The following DGKB variants were observed in gnomAD, a reference collection of about 807,000 sequenced individuals.
DGKB encodes diacylglycerol kinase beta, also known as 90 kDa diacylglycerol kinase.
In DGKB, 67 loss-of-function variants were observed where a neutral mutation model predicts 114.3. That is an observed-to-expected ratio of 0.59 (90% confidence interval 0.48 to 0.72). The LOEUF (loss-of-function observed/expected upper bound fraction) is 0.72, where lower values mean the gene tolerates loss of function less well. Ranked by LOEUF, DGKB falls within the 30% of genes least tolerant of loss-of-function variation. The pLI, the probability that DGKB is intolerant of heterozygous loss-of-function variation, is 0.00. For missense variants in DGKB, 907 were observed against 975.2 expected (o/e 0.93, Z 0.93); for synonymous variants, 398 against 323.1 (o/e 1.23, Z -2.49).
intron 1 of DGKB, among the ~76,000 whole-genome samples, chr7:14,952,950 A>G (rs1298028834): frequency 6.6e-6 from 1 of 152,112 alleles, no homozygotes; most frequent in Non-Finnish European, 1.5e-5. Context: ...TGAAAAAACA[A>G]TTCAGTGGGG....
intron 1 of DGKB, among the ~76,000 whole-genome samples, chr7:14,881,878 A>C (rs1360565933): frequency 6.6e-6 from 1 of 152,020 alleles, no homozygotes; most frequent in Non-Finnish European, 1.5e-5. Context: ...TACACCATTA[A>C]CCACTCTAGT....
chr7:14,686,141 T>G (rs1202865149), intron 9 of DGKB, among the ~76,000 whole-genome samples: 1 of 152,168 alleles, frequency 6.6e-6, no homozygotes, highest in Non-Finnish European at 1.5e-5. Context: ...CAATACAACC[T>G]TGGGTTTAAA....
At chr7:14,925,793 G>C (rs1360183879) in intron 1 of DGKB, among the ~76,000 whole-genome samples, 3 of 151,864 alleles carry the variant, frequency 2.0e-5, no homozygotes, top group African/African-American at 4.8e-5. Context: ...GGTATTGTTT[G>C]GTTTAGTTTT....
chr7:14,581,434 T>C (rs1799916577), intron 18 of DGKB, among the ~76,000 whole-genome samples: 1 of 152,184 alleles, frequency 6.6e-6, no homozygotes, highest in African/African-American at 2.4e-5. Context: ...GCTAACAATG[T>C]CCTTGACTTT....
At chr7:14,811,256 G>A (rs776129183) in intron 2 of DGKB, among the ~76,000 whole-genome samples, 7 of 152,096 alleles carry the variant, frequency 4.6e-5, no homozygotes, top group Non-Finnish European at 8.8e-5. Context: ...CACCTAGGCT[G>A]GAGTGCAGTG....
chr7:14,249,634 T>TA (rs1171222336), intron 23 of DGKB, among the ~76,000 whole-genome samples: 10 of 152,170 alleles, frequency 6.6e-5, no homozygotes, highest in Admixed American at 6.5e-4. Flanking sequence ...ATATAATTGT[T>TA]CATTATAGCC....
chr7:14,521,120 G>A (rs1434792492), intron 20 of DGKB, among the ~76,000 whole-genome samples: 10 of 151,872 alleles, frequency 6.6e-5, no homozygotes, highest in Admixed American at 6.6e-4. Context: ...TTATGTTGCT[G>A]CCTTCAAACT....
Position 14,181,580 on chromosome 7 carries a change from G to T in DGKB, c.2123-3429C>A, listed in dbSNP as rs997135343. Among the ~76,000 whole-genome samples the T allele has an allele frequency of 1.5e-4, 23 of 152,278 alleles. 1 individual carries two copies. Among genetic ancestry groups the T allele is most frequent in the South Asian group, 1.5e-3 (7 of 4,822 alleles). On this transcript the variant is annotated intron_variant, in intron 23 of 25. Transcript: ENST00000402815. Reference sequence around the variant, plus strand: ...TTAGTGTGCTCAATCATTGCCTCTGGTTGGCTTCCTTGAGTGTGAGAAAAA... The same window carrying T: ...TTAGTGTGCTCAATCATTGCCTCTGTTTGGCTTCCTTGAGTGTGAGAAAAA...
chr7:14,319,324 G>A (rs4401730), intron 23 of DGKB, among the ~76,000 whole-genome samples: 99,245 of 151,800 alleles, frequency 0.65, 33,524 homozygotes, highest in South Asian at 0.74. Flanking sequence ...GAATGTAGAA[G>A]CAGATATGAG....
At chr7:14,788,767 A>G (rs1840245116) in intron 2 of DGKB, among the ~76,000 whole-genome samples, 1 of 152,084 alleles carries the variant, frequency 6.6e-6, no homozygotes, top group South Asian at 2.1e-4. Context: ...TGCCTGTCCC[A>G]TGGTACAGTG....
intron 17 of DGKB, among the ~76,000 whole-genome samples, chr7:14,588,348 C>T (rs1456656274): frequency 6.6e-6 from 1 of 151,708 alleles, no homozygotes; most frequent in African/African-American, 2.4e-5. Flanking sequence ...GAATAAGAAC[C>T]TAGTTTTAAT....
chr7:14,522,437 G>C (rs1433833572), intron 20 of DGKB, among the ~76,000 whole-genome samples: 1 of 152,230 alleles, frequency 6.6e-6, no homozygotes, highest in African/African-American at 2.4e-5. Flanking sequence ...CTGATGCACT[G>C]AATGCACCAT....
intron 23 of DGKB, among the ~76,000 whole-genome samples, chr7:14,224,846 C>T (rs1056462589): frequency 5.3e-5 from 8 of 152,044 alleles, no homozygotes; most frequent in Non-Finnish European, 7.4e-5. Flanking sequence ...TTCAATTTCA[C>T]TAATTACCAG....
chr7:14,910,219 T>A (rs1783914091), intron 1 of DGKB, among the ~76,000 whole-genome samples: 1 of 146,596 alleles, frequency 6.8e-6, no homozygotes, highest in Admixed American at 7.0e-5. Flanking sequence ...CCAGCCTAGG[T>A]GACAGAGCGA....
chr7:14,223,530 A>T (rs1467916673), intron 23 of DGKB, among the ~76,000 whole-genome samples: 1 of 151,934 alleles, frequency 6.6e-6, no homozygotes, highest in South Asian at 2.1e-4. Context: ...AGAATAATAT[A>T]TATAAAAAAG....
intron 23 of DGKB, among the ~76,000 whole-genome samples, chr7:14,333,015 G>A (rs115826887): frequency 2.6e-5 from 4 of 151,998 alleles, no homozygotes; most frequent in East Asian, 1.9e-4. Flanking sequence ...AATTACTTTC[G>A]CTCAGTGGTT....
At chr7:14,255,421 A>C (rs1795821217) in intron 23 of DGKB, among the ~76,000 whole-genome samples, 1 of 152,082 alleles carries the variant, frequency 6.6e-6, no homozygotes, top group Non-Finnish European at 1.5e-5. Flanking sequence ...AAGACATTTC[A>C]CTCTACTTGC....
chr7:14,225,229 C>T (rs1028759508), intron 23 of DGKB, among the ~76,000 whole-genome samples: 54 of 152,032 alleles, frequency 3.6e-4, no homozygotes, highest in African/African-American at 1.1e-3. Context: ...TTCGCAAAAC[C>T]TCTGACAGCC....
At chr7:14,686,477 T>G (rs1384570355) in intron 9 of DGKB, among the ~76,000 whole-genome samples, 2 of 152,208 alleles carry the variant, frequency 1.3e-5, no homozygotes, top group African/African-American at 2.4e-5. Flanking sequence ...CTTTCCAGGT[T>G]GTCCAAGTTG....
Sources: gnomAD v4.1 joint callset for allele counts (sites outside exome capture counted in the v4.1 genomes callset) on GRCh38, gnomAD v4.1.1 for gene constraint, MANE v1.5 for transcripts, NCBI Gene and HGNC (gene_info 2026-07-23, HGNC 2026-07-21) for gene names.